The following CSMD1 variants were observed in gnomAD, a reference collection of about 807,000 sequenced individuals.
CSMD1 encodes CUB and sushi domain-containing protein 1.
CSMD1 carries 213 observed loss-of-function variants against 417.5 expected under a neutral mutation model. The observed-to-expected ratio is 0.51, with a 90% CI of 0.46 to 0.57. The LOEUF is 0.57. CSMD1 is among the 20% of genes least tolerant of loss of function. CSMD1 has a pLI of 0.00. For synonymous variants in CSMD1, 2,862 were observed against 1,736.8 expected, an observed-to-expected ratio of 1.65 and a Z score of -16.11; for missense variants, 6,923 against 4,529.7, an observed-to-expected ratio of 1.53 and a Z score of -15.17.
At chr8:4,013,664 G>T (rs1433977914) in intron 4 of CSMD1, among the ~76,000 whole-genome samples, 1 of 152,282 alleles carries the variant, frequency 6.6e-6, no homozygotes, top group East Asian at 1.9e-4. Context: ...TGATATTTCT[G>T]CAAAGATTGG....
intron 12 of CSMD1, among the ~76,000 whole-genome samples, chr8:3,410,234 T>G (rs1223158016): frequency 6.6e-6 from 1 of 152,228 alleles, no homozygotes; most frequent in African/African-American, 2.4e-5. Context: ...ACAGAATGTT[T>G]TCATTAAAAT....
intron 52 of CSMD1, among the ~76,000 whole-genome samples, chr8:3,013,521 C>A (rs141319748): frequency 1.3e-5 from 2 of 152,164 alleles, no homozygotes; most frequent in African/African-American, 4.8e-5. Context: ...GAGGCCAAGG[C>A]GGGCAGATCA....
chr8:4,121,461 C>T (rs17069047), intron 3 of CSMD1, among the ~76,000 whole-genome samples: 15,724 of 152,142 alleles, frequency 0.1, 904 homozygotes, highest in African/African-American at 0.13. Flanking sequence ...GGCTTCTTTG[C>T]TATACTTGCT....
intron 26 of CSMD1, among the ~76,000 whole-genome samples, chr8:3,261,423 G>T (rs1801050429): frequency 1.3e-5 from 2 of 152,088 alleles, no homozygotes; most frequent in South Asian, 4.1e-4. Flanking sequence ...TATACGGCTT[G>T]GGTGATGGGT....
intron 3 of CSMD1, among the ~76,000 whole-genome samples, chr8:4,296,945 G>A (rs1161152267): frequency 6.6e-6 from 1 of 152,004 alleles, no homozygotes; most frequent in African/African-American, 2.4e-5. Context: ...GTACACAAAT[G>A]TGAAAATATA....
At chr8:3,670,999 T>TGTATATGGGATATATGC (rs1798993116) in intron 7 of CSMD1, among the ~76,000 whole-genome samples, 1 of 116,062 alleles carries the variant, frequency 8.6e-6, no homozygotes, top group African/African-American at 3.1e-5. Context: ...GGGATATATA[T>TGTATATGGGATATATGC]GTATGGGATA....
At chr8:4,353,158 T>C (rs547581252) in intron 3 of CSMD1, among the ~76,000 whole-genome samples, 1 of 152,322 alleles carries the variant, frequency 6.6e-6, no homozygotes, top group East Asian at 1.9e-4. Flanking sequence ...CACACAACTG[T>C]CACCTTGAAT....
chr8:4,787,691 A>T, intron 1 of CSMD1: 2 of 1,590,536 alleles, frequency 1.3e-6, no homozygotes, highest in Non-Finnish European at 1.7e-6. Flanking sequence ...CCTAAAGTGG[A>T]GTTGTTTTTC....
chr8:4,841,471 G>C (rs2118578), intron 1 of CSMD1, among the ~76,000 whole-genome samples: 1 of 151,954 alleles, frequency 6.6e-6, no homozygotes, highest in Non-Finnish European at 1.5e-5. Context: ...GAATAAACTA[G>C]CAAAGGAAAT....
At chr8:3,095,283 A>G (rs1237694389) in intron 47 of CSMD1, among the ~76,000 whole-genome samples, 2 of 152,204 alleles carry the variant, frequency 1.3e-5, no homozygotes, top group African/African-American at 4.8e-5. Flanking sequence ...TGGATGCTCT[A>G]CATTTTAATT....
Position 4,350,604 on chromosome 8 carries a change from G to A in CSMD1, c.415+69349C>T, listed in dbSNP as rs182201121. On this transcript the variant is annotated intron_variant, in intron 3 of 69. Transcript: ENST00000635120. Reference sequence around the variant, plus strand: ...TCCACGCTTACAATGAGAAAAAGCAGAACAAAACTGACCTGGGCAATGGGC... The same window carrying A: ...TCCACGCTTACAATGAGAAAAAGCAAAACAAAACTGACCTGGGCAATGGGC... Among the ~76,000 whole-genome samples the A allele has an allele frequency of 1.8e-4, 28 of 152,246 alleles. No homozygotes were observed. The South Asian group carries it at 5.6e-3, about 30-fold the overall frequency.
Position 4,080,067 on chromosome 8 carries a change from C to G in CSMD1, c.416-47968G>C, listed in dbSNP as rs1037624648. Among the ~76,000 whole-genome samples the G allele has an allele frequency of 3.3e-5, 5 of 151,374 alleles. No individual in the cohort carries two copies. In the East Asian group the frequency reaches 5.8e-4, roughly 18 times the overall value. On this transcript the variant is annotated intron_variant, in intron 3 of 69. Transcript: ENST00000635120. ...GCCCAGCTAGGAATCTACGACTCATCTGACAACAGTCTCTGTCTCCATGTT... is the reference window on the plus strand; with the variant it reads ...GCCCAGCTAGGAATCTACGACTCATGTGACAACAGTCTCTGTCTCCATGTT...
intron 5 of CSMD1, among the ~76,000 whole-genome samples, chr8:3,771,425 G>T (rs1239278601): frequency 6.6e-6 from 1 of 152,192 alleles, no homozygotes; most frequent in Non-Finnish European, 1.5e-5. Flanking sequence ...GCTTTTTGCA[G>T]ATGATAGCAA....
At chr8:4,369,978 T>C (rs1416435795) in intron 3 of CSMD1, among the ~76,000 whole-genome samples, 3 of 152,202 alleles carry the variant, frequency 2.0e-5, no homozygotes, top group African/African-American at 7.2e-5. Context: ...GTGAGAATTG[T>C]ATCTATCATC....
At chr8:3,451,005 T>C (rs1323012480) in intron 12 of CSMD1, among the ~76,000 whole-genome samples, 2 of 152,204 alleles carry the variant, frequency 1.3e-5, no homozygotes, top group South Asian at 2.1e-4. Flanking sequence ...ATGACTGCCA[T>C]TCTAACTGGT....
intron 1 of CSMD1, among the ~76,000 whole-genome samples, chr8:4,736,247 A>C (rs73661104): frequency 0.013 from 2,029 of 152,216 alleles, 68 homozygotes; most frequent in East Asian, 0.13. Context: ...GAGACGTAAA[A>C]GTTCTCACAC....
At chr8:3,342,598 A>G (rs1026642301) in intron 23 of CSMD1, among the ~76,000 whole-genome samples, 4 of 152,224 alleles carry the variant, frequency 2.6e-5, no homozygotes, top group Non-Finnish European at 4.4e-5. Context: ...CTTTTGAAAC[A>G]CAGCATCTCT....
chr8:3,294,412 C>CCTGCAGAGGTGGAGT (rs1803808689), intron 25 of CSMD1, among the ~76,000 whole-genome samples: 2 of 152,220 alleles, frequency 1.3e-5, no homozygotes. Flanking sequence ...CTGTGCCCTG[C>CCTGCAGAGGTGGAGT]CTGCAGAGGT....
intron 5 of CSMD1, among the ~76,000 whole-genome samples, chr8:3,957,379 C>T (rs928687994): frequency 6.6e-6 from 1 of 152,116 alleles, no homozygotes; most frequent in Non-Finnish European, 1.5e-5. Context: ...AGGTGTTAAG[C>T]ATAAAAATAT....
Sources: allele counts gnomAD v4.1 joint callset (sites outside exome capture counted in the v4.1 genomes callset), GRCh38; gene constraint gnomAD v4.1.1; transcripts MANE v1.5; gene names NCBI Gene and HGNC (gene_info 2026-07-23, HGNC 2026-07-21).